TRAF3: variants seen among roughly 807,000 people sequenced by gnomAD.
The protein encoded by TRAF3 is TNF receptor-associated factor 3.
Under a neutral mutation model 62.3 loss-of-function variants are expected in TRAF3, and 13 were observed. That is an observed-to-expected ratio of 0.21 (90% confidence interval 0.14 to 0.33). The LOEUF is 0.33. TRAF3 is among the 10% of genes least tolerant of loss of function. The pLI is 1.00. For missense variants in TRAF3, 440 were observed against 741.8 expected, an observed-to-expected ratio of 0.59 and a Z score of 4.73; for synonymous variants, 269 against 283.4, an observed-to-expected ratio of 0.95 and a Z score of 0.51.
At chr14:102,802,459 T>C (rs1898502575) in intron 1 of TRAF3, among the ~76,000 whole-genome samples, 1 of 144,308 alleles carries the variant, frequency 6.9e-6, no homozygotes, top group African/African-American at 2.5e-5. Flanking sequence ...CAGCCAACTG[T>C]TTAAAGACAT....
chr14:102,839,597 C>T (rs1886253502), intron 2 of TRAF3, among the ~76,000 whole-genome samples: 1 of 152,168 alleles, frequency 6.6e-6, no homozygotes, highest in Non-Finnish European at 1.5e-5. Context: ...GACTTGGCAG[C>T]AGTTGCTGCA....
intron 7 of TRAF3, 118 bp from the exon 8 acceptor site, chr14:102,889,442 C>G (rs761751228): frequency 1.9e-6 from 2 of 1,026,834 alleles, no homozygotes; most frequent in African/African-American, 1.6e-5. Flanking sequence ...TATATACACA[C>G]CTGTAGCGAT....
intron 1 of TRAF3, among the ~76,000 whole-genome samples, chr14:102,789,797 A>G (rs1284761395): frequency 2.0e-5 from 3 of 151,452 alleles, no homozygotes; most frequent in African/African-American, 7.3e-5. Flanking sequence ...AGTTCTTTAT[A>G]TATTCTGAAT....
chr14:102,893,035 C>G (rs144677155), intron 9 of TRAF3, among the ~76,000 whole-genome samples: 55 of 152,214 alleles, frequency 3.6e-4, no homozygotes, highest in African/African-American at 1.3e-3. Context: ...AGATCACAGG[C>G]TTTTTATCTT....
At chr14:102,786,924 G>A (rs1897532516) in intron 1 of TRAF3, among the ~76,000 whole-genome samples, 1 of 151,766 alleles carries the variant, frequency 6.6e-6, no homozygotes, top group Non-Finnish European at 1.5e-5. Flanking sequence ...AGCCCAGGAG[G>A]TCGAGGCTAC....
At chr14:102,875,208 C>G (rs1192476986) in intron 4 of TRAF3, among the ~76,000 whole-genome samples, 1 of 152,184 alleles carries the variant, frequency 6.6e-6, no homozygotes, top group Non-Finnish European at 1.5e-5. Context: ...CAGTTCTGCT[C>G]TTGTCCTCTG....
chr14:102,815,470 G>C lies in TRAF3; in HGVS notation c.-156-14864G>C, dbSNP rs114208679. ...CAGCCTTGAACACTTGGGCTCAAGT[G>C]ATCTTTCTGCCTTAGCTTCCCAGGT... On this transcript the variant is annotated intron_variant, in intron 1 of 11. Coordinates refer to ENST00000392745, the MANE Select transcript of TRAF3 (RefSeq NM_145725.3). 7.7e-3 allele frequency among the ~76,000 whole-genome samples: 1,174 copies of C among 152,226 alleles called. 14 individuals carry two copies. Among genetic ancestry groups the C allele is most frequent in the African/African-American group, 0.027 (1,122 of 41,530 alleles).
At chr14:102,871,845 C>T in intron 3 of TRAF3, 72 bp from the exon 4 acceptor site, 2 of 1,439,402 alleles carry the variant, frequency 1.4e-6, no homozygotes, top group South Asian at 1.1e-5. Flanking sequence ...AAAGTGAATG[C>T]TCCCAGAATC....
intron 2 of TRAF3, among the ~76,000 whole-genome samples, chr14:102,854,149 TTGTA>T (rs1225199837): frequency 1.3e-5 from 2 of 152,350 alleles, no homozygotes; most frequent in East Asian, 3.8e-4. Context: ...TAAGAGTTCA[TTGTA>T]TGAATAGACC....
rs540448064 is a variant in TRAF3 at position 102,834,355 on chromosome 14, C to T, written c.-18+3883C>T. 1.1e-4 allele frequency among the ~76,000 whole-genome samples: 17 copies of T among 152,282 alleles called. No homozygotes were observed. In the East Asian group the frequency reaches 3.1e-3, roughly 28 times the overall value. On this transcript the variant is annotated intron_variant, in intron 2 of 11. Coordinates refer to ENST00000392745, the MANE Select transcript of TRAF3 (RefSeq NM_145725.3). ...AGCAGTGGGGAAAGGACTCCCTATT[C>T]AATCAGCGGTGCTGGGACGACTGGC...
chr14:102,820,591 TA>T (rs1899853823), intron 1 of TRAF3, among the ~76,000 whole-genome samples: 1 of 7,008 alleles, frequency 1.4e-4, no homozygotes, highest in Non-Finnish European at 2.5e-4. Context: ...TATATATATA[TA>T]TATATATATA....
chr14:102,902,638 C>T (rs764492190), intron 10 of TRAF3, among the ~76,000 whole-genome samples: 16 of 152,304 alleles, frequency 1.1e-4, no homozygotes, highest in Admixed American at 2.0e-4. Flanking sequence ...TTATGGCCCC[C>T]GAGGTATACG....
rs564800492 is a variant in TRAF3 at position 102,872,141 on chromosome 14, T to G, written c.297+173T>G. On this transcript the variant is annotated intron_variant, in intron 4 of 11. Coordinates refer to ENST00000392745, the MANE Select transcript of TRAF3 (RefSeq NM_145725.3). The stretch of plus-strand genomic sequence containing the variant: ...TGTGATCACCTGGGCAGACAGTGGA[T>G]TCAGATCCACTTGGCCACTTCCCTA... Among the ~76,000 whole-genome samples, 48 of 152,306 alleles carry G rather than the reference T, an allele frequency of 3.2e-4. 1 individual carries two copies. Among genetic ancestry groups the G allele is most frequent in the Admixed American group, 2.2e-3 (34 of 15,288 alleles).
At chr14:102,895,032 A>AT (rs1031039678) in intron 9 of TRAF3, 6 of 454,866 alleles carry the variant, frequency 1.3e-5, no homozygotes, top group Non-Finnish European at 2.7e-5. Flanking sequence ...CATTACTGAG[A>AT]TTTTTTCAAA....
chr14:102,795,239 A>G (rs1898009520), intron 1 of TRAF3, among the ~76,000 whole-genome samples: 1 of 152,222 alleles, frequency 6.6e-6, no homozygotes, highest in South Asian at 2.1e-4. Flanking sequence ...CACTGAGCCG[A>G]GCAAACATGA....
intron 1 of TRAF3, among the ~76,000 whole-genome samples, chr14:102,786,790 A>G (rs1260398451): frequency 6.6e-6 from 1 of 152,142 alleles, no homozygotes; most frequent in African/African-American, 2.4e-5. Context: ...TTCTCAACCA[A>G]CCTGGGCAAC....
At position 102,903,247 on chromosome 14, in the gene TRAF3, T is replaced by C; in HGVS notation, c.961-8T>C. The C allele has an allele frequency of 6.2e-7, 1 of 1,614,074 alleles. No homozygotes were observed. The highest frequency in any genetic ancestry group is 8.5e-7 in the Non-Finnish European group (1 of 1,180,016). Reference sequence around the variant, plus strand: ...GTGTTTTGCTTTTTAACACCTTTGGTTTGGAAGCGAGTGATAGACAGCCAA... The same window carrying C: ...GTGTTTTGCTTTTTAACACCTTTGGCTTGGAAGCGAGTGATAGACAGCCAA... On this transcript the variant is annotated splice_polypyrimidine_tract_variant and splice_region_variant and intron_variant, in intron 10 of 11. Transcript: ENST00000392745. The surrounding 1 kb of genome is among the most constrained non-coding windows in gnomAD (Gnocchi z 6.4).
At chr14:102,873,941 G>C (rs934951118) in intron 4 of TRAF3, among the ~76,000 whole-genome samples, 1 of 152,160 alleles carries the variant, frequency 6.6e-6, no homozygotes, top group Non-Finnish European at 1.5e-5. Context: ...TTTGGACTAA[G>C]ATGTTGTAGA....
chr14:102,839,146 C>T (rs1886209996), intron 2 of TRAF3, among the ~76,000 whole-genome samples: 1 of 148,024 alleles, frequency 6.8e-6, no homozygotes, highest in African/African-American at 2.5e-5. Flanking sequence ...ACAAAATGAG[C>T]AGGCTAATTT....
Sources: gnomAD v4.1 joint callset for allele counts (sites outside exome capture counted in the v4.1 genomes callset) on GRCh38, gnomAD v4.1.1 for gene constraint, Gnocchi (gnomAD v3.1) non-coding constraint, MANE v1.5 for transcripts, NCBI Gene and HGNC (gene_info 2026-07-23, HGNC 2026-07-21) for gene names.